MYO3B: variants seen among roughly 807,000 people sequenced by gnomAD.
MYO3B encodes the protein myosin IIIB.
Under a neutral mutation model 174.6 loss-of-function variants are expected in MYO3B, and 156 were observed. The observed-to-expected ratio is 0.89, with a 90% CI of 0.78 to 1.02. The LOEUF is 1.02. MYO3B is among the 50% of genes least tolerant of loss of function. MYO3B has a pLI of 0.00. For synonymous variants in MYO3B, 563 were observed against 569.1 expected (o/e 0.99, Z 0.15); for missense variants, 1,632 against 1,639.4 (o/e 1.00, Z 0.08).
At chr2:170,545,342 T>A (rs2106210180) in intron 32 of MYO3B, among the ~76,000 whole-genome samples, 1 of 152,332 alleles carries the variant, frequency 6.6e-6, no homozygotes, top group East Asian at 1.9e-4. Flanking sequence ...CATATCTGAG[T>A]GGTTTTACTT....
At chr2:170,197,185 C>G (rs2092610850) in intron 1 of MYO3B, among the ~76,000 whole-genome samples, 2 of 152,054 alleles carry the variant, frequency 1.3e-5, no homozygotes, top group South Asian at 4.1e-4. Context: ...CTCGCCACTC[C>G]CACCCGTTTC....
At chr2:170,516,834 C>T (rs1022799639) in intron 29 of MYO3B, among the ~76,000 whole-genome samples, 6 of 152,132 alleles carry the variant, frequency 3.9e-5, no homozygotes, top group African/African-American at 9.7e-5. Flanking sequence ...TCCCCAAGTT[C>T]GGCATTTTAT....
At chr2:170,596,479 G>A (rs138549490) in intron 32 of MYO3B, among the ~76,000 whole-genome samples, 35 of 152,266 alleles carry the variant, frequency 2.3e-4, no homozygotes, top group African/African-American at 6.5e-4. Flanking sequence ...AACGTAAACC[G>A]TGCAGAACGA....
At chr2:170,223,922 T>A (rs1477345870) in intron 6 of MYO3B, among the ~76,000 whole-genome samples, 1 of 152,214 alleles carries the variant, frequency 6.6e-6, no homozygotes, top group African/African-American at 2.4e-5. Flanking sequence ...AACTATTCAT[T>A]CTGGATGGTA....
chr2:170,353,518 TAGAA>T (rs1489938963), intron 8 of MYO3B, among the ~76,000 whole-genome samples: 1 of 152,166 alleles, frequency 6.6e-6, no homozygotes, highest in Non-Finnish European at 1.5e-5. Flanking sequence ...CCCAAACCTA[TAGAA>T]TGTACAACAC....
rs1697796099 is a variant in MYO3B, at chr2:170,639,568, C to T, written c.3734-12060C>T. Among the ~76,000 whole-genome samples, 4 of 152,192 alleles carry T rather than the reference C, an allele frequency of 2.6e-5. No homozygotes were observed. The South Asian group carries it at 8.3e-4, about 32-fold the overall frequency. On this transcript the variant is annotated intron_variant, in intron 32 of 34. Transcript: ENST00000408978. ...CATGATGCAGATATTCTGAACACTA[C>T]ACAAAGCAAAACAAAAAGACAGCAA...
intron 28 of MYO3B, among the ~76,000 whole-genome samples, chr2:170,512,623 C>T (rs1688052001): frequency 6.6e-6 from 1 of 152,146 alleles, no homozygotes; most frequent in Admixed American, 6.5e-5. Context: ...AAATGCCAGG[C>T]CAGGCCAGAG....
At chr2:170,396,780 T>C (rs543047101) in intron 16 of MYO3B, among the ~76,000 whole-genome samples, 6 of 152,124 alleles carry the variant, frequency 3.9e-5, no homozygotes, top group Non-Finnish European at 7.4e-5. Context: ...ATGCTGGAAG[T>C]CTTATTTTGG....
At chr2:170,208,839 CT>C (rs2092742315) in intron 3 of MYO3B, among the ~76,000 whole-genome samples, 1 of 152,062 alleles carries the variant, frequency 6.6e-6, no homozygotes, top group African/African-American at 2.4e-5. Context: ...CTACATAGGC[CT>C]TTTAGATTGG....
intron 29 of MYO3B, among the ~76,000 whole-genome samples, chr2:170,516,911 A>G (rs369635874): frequency 1.2e-3 from 175 of 152,018 alleles, no homozygotes; most frequent in African/African-American, 4.0e-3. Context: ...ATTTTTTTTT[A>G]ACTCAACCTA....
chr2:170,459,861 G>A (rs1030087464), intron 23 of MYO3B, among the ~76,000 whole-genome samples: 1 of 152,106 alleles, frequency 6.6e-6, no homozygotes, highest in Admixed American at 6.5e-5. Context: ...CGCAGCTGCT[G>A]GCCCAGATAC....
chr2:170,193,096 A>T (rs1375073357), intron 1 of MYO3B, among the ~76,000 whole-genome samples: 1 of 151,928 alleles, frequency 6.6e-6, no homozygotes, highest in East Asian at 1.9e-4. Context: ...CATAGCTGAC[A>T]ATGTCTTTTA....
chr2:170,387,343 T>A, intron 14 of MYO3B, 35 bp downstream of exon 14: 1 of 1,594,458 alleles, frequency 6.3e-7, no homozygotes, highest in Non-Finnish European at 8.6e-7. Flanking sequence ...GTTTTTGCCC[T>A]GCAGTAAAAA....
At chr2:170,354,880 TAAAGAAG>T (rs11279526) in intron 8 of MYO3B, among the ~76,000 whole-genome samples, 4,036 of 146,360 alleles carry the variant, frequency 0.028, 181 homozygotes, top group African/African-American at 0.095. Flanking sequence ...TTCCCTTTCC[TAAAGAAG>T]AAAAATATTT....
At position 170,635,283 on chromosome 2, in the gene MYO3B, T is replaced by A. The variant is rs891746460; in HGVS notation, c.3734-16345T>A. Among the ~76,000 whole-genome samples the A allele has an allele frequency of 4.4e-4, 67 of 152,242 alleles. 1 individual carries two copies. In the South Asian group the frequency reaches 0.013, roughly 30 times the overall value. On this transcript the variant is annotated intron_variant, in intron 32 of 34. Transcript: ENST00000408978. ...TACACCATGGAATACTATGCAGCCA[T>A]AAAAAATGATGGGTTCATGTCCTTT...
intron 30 of MYO3B, among the ~76,000 whole-genome samples, chr2:170,524,062 C>T (rs756486708): frequency 4.6e-5 from 7 of 152,172 alleles, no homozygotes; most frequent in Non-Finnish European, 8.8e-5. Context: ...TTCATAAGGA[C>T]GATCCGTATA....
chr2:170,179,152 A>G (rs571040837), intron 1 of MYO3B, among the ~76,000 whole-genome samples: 3 of 152,324 alleles, frequency 2.0e-5, no homozygotes, highest in African/African-American at 4.8e-5. Context: ...ACCATAGCAC[A>G]TGTTTATCTG....
intron 32 of MYO3B, among the ~76,000 whole-genome samples, chr2:170,637,323 C>T (rs1393018157): frequency 6.6e-6 from 1 of 151,966 alleles, no homozygotes; most frequent in Non-Finnish European, 1.5e-5. Flanking sequence ...AGGCATACGC[C>T]ACCAGGCCCG....
At chr2:170,313,675 A>G (rs1373029500) in intron 7 of MYO3B, among the ~76,000 whole-genome samples, 1 of 152,176 alleles carries the variant, frequency 6.6e-6, no homozygotes, top group African/African-American at 2.4e-5. Flanking sequence ...GAATTCATTT[A>G]GTATTGTTTC....
Sources: gnomAD v4.1 joint callset for allele counts (sites outside exome capture counted in the v4.1 genomes callset) on GRCh38, gnomAD v4.1.1 for gene constraint, MANE v1.5 for transcripts, NCBI Gene and HGNC (gene_info 2026-07-23, HGNC 2026-07-21) for gene names.